The following TSHZ1 variants were observed in gnomAD, a reference collection of about 807,000 sequenced individuals.
TSHZ1 encodes teashirt homolog 1.
TSHZ1 carries 12 observed loss-of-function variants against 67.1 expected under a neutral mutation model. That is an observed-to-expected ratio of 0.18 (90% CI 0.11 to 0.29). The LOEUF is 0.29. Ranked by LOEUF, TSHZ1 falls within the 10% of genes least tolerant of loss-of-function variation. The probability of loss-of-function intolerance (pLI) is 1.00; values close to 1 mark genes in which losing one functional copy is unlikely to be tolerated. For missense variants in TSHZ1, 1,305 were observed against 1,413.9 expected (o/e 0.92, Z 1.23); for synonymous variants, 632 against 622.4 (o/e 1.02, Z -0.23).
intron 1 of TSHZ1, chr18:75,283,749 A>T (rs2023716116): frequency 6.6e-6 from 1 of 152,174 alleles, no homozygotes; most frequent in African/African-American, 2.4e-5. Context: ...TACACATGTG[A>T]TTATGCGTGT....
chr18:75,287,877 G>A lies in TSHZ1; in HGVS notation c.2470G>A (p.Val824Met), dbSNP rs149224107. ...CAAGAACAAGCCGCTGGTGTCCAGC[G>A]TGGCTGATTCGGTGGCATCACCTCT... ...KSKNKPLVSS[V>M]ADSVASPLRE... The change falls in exon 2 of 2, where the codon GTG becomes ATG. Residue 824 changes from valine (V) to methionine (M), a missense_variant. Transcript: ENST00000580243. This position sits in a 1 kb window ranked among gnomAD's most constrained non-coding sequence, Gnocchi z 5.0. 2.9e-4 allele frequency: 465 copies of A among 1,614,056 alleles called. No homozygotes were observed. The highest frequency in any genetic ancestry group is 9.9e-4 in the Middle Eastern group (6 of 6,084).
chr18:75,212,259 G>A (rs138104342), intron 1 of TSHZ1, among the ~76,000 whole-genome samples: 1 of 152,188 alleles, frequency 6.6e-6, no homozygotes, highest in Non-Finnish European at 1.5e-5. Context: ...TTGGCTGCCG[G>A]AGCGCACTGG....
Position 75,281,720 on chromosome 18 carries a change from G to A in TSHZ1, c.41-3728G>A, listed in dbSNP as rs892539936. On this transcript the variant is annotated intron_variant, in intron 1 of 1. Coordinates refer to ENST00000580243, the MANE Select transcript of TSHZ1 (RefSeq NM_001308210.2). The surrounding 1 kb of genome is among the most constrained non-coding windows in gnomAD (Gnocchi z 5.3). ...GAACGGGGAGCGGGTAGCGGTCACC[G>A]AGGGTCTGGAGACGAGGGAGAGGGC... Among the ~76,000 whole-genome samples the A allele has an allele frequency of 2.4e-4, 36 of 152,238 alleles. No homozygotes were observed. Among genetic ancestry groups the A allele is most frequent in the South Asian group, 4.2e-4 (2 of 4,818 alleles).
intron 1 of TSHZ1, among the ~76,000 whole-genome samples, chr18:75,278,734 A>C (rs1374504300): frequency 6.6e-6 from 1 of 152,094 alleles, no homozygotes; most frequent in Non-Finnish European, 1.5e-5. Flanking sequence ...TCAGAAGCGC[A>C]GGTCCTCCAG....
At chr18:75,264,355 C>A (rs1000974439) in intron 1 of TSHZ1, among the ~76,000 whole-genome samples, 3 of 152,290 alleles carry the variant, frequency 2.0e-5, no homozygotes, top group African/African-American at 7.2e-5. Context: ...CAGCTGGCTT[C>A]TATCAAAATA....
intron 1 of TSHZ1, chr18:75,280,954 C>T (rs934360869): frequency 7.1e-5 from 29 of 408,988 alleles, no homozygotes; most frequent in Non-Finnish European, 9.6e-5. Flanking sequence ...TCGGGGAGGG[C>T]TGGCATCCAG....
intron 1 of TSHZ1, among the ~76,000 whole-genome samples, chr18:75,237,791 C>CTTTCATTTATTTATTTATTTATTT (rs150217532): frequency 2.1e-5 from 3 of 143,500 alleles, no homozygotes; most frequent in African/African-American, 8.2e-5. Flanking sequence ...TTCTTTCTTT[C>CTTTCATTTATTTATTTATTTATTT]ATTTATTTAT....
At chr18:75,284,715 C>G (rs577159195) in intron 1 of TSHZ1, 1 of 152,322 alleles carries the variant, frequency 6.6e-6, no homozygotes, top group Non-Finnish European at 1.5e-5. Context: ...CGCTGCAGTG[C>G]GTGTCAGAAC....
In TSHZ1 at chr18:75,285,586, A is replaced by C; in HGVS notation, c.179A>C (p.Gln60Pro). The change falls in exon 2 of 2, where the codon CAG (glutamine) becomes CCG (proline). Residue 60 changes from glutamine (Q) to proline (P), a missense_variant. Gln to Pro is a moderately conservative substitution (Grantham distance 76). Around this residue, in one of 3 missense-constraint regions of TSHZ1, gnomAD observed 358 missense variants for 375.6 expected, o/e 0.95. Coordinates refer to ENST00000580243, the MANE Select transcript of TSHZ1 (RefSeq NM_001308210.2). Reference sequence around the variant, plus strand: ...GAGATCAAAGAGGCGCAGAGCTACCAGAACTCCCCAGTCAGCTCTGCGACT... The same window carrying C: ...GAGATCAAAGAGGCGCAGAGCTACCCGAACTCCCCAGTCAGCTCTGCGACT... ...ETEIKEAQSY[Q>P]NSPVSSATNQ... 1.2e-6 allele frequency: 2 copies of C among 1,605,652 alleles called. No individual in the cohort carries two copies. The highest frequency in any genetic ancestry group is 1.7e-6 in the Non-Finnish European group (2 of 1,173,602).
chr18:75,222,579 G>C (rs989248005), intron 1 of TSHZ1, among the ~76,000 whole-genome samples: 36 of 152,118 alleles, frequency 2.4e-4, no homozygotes, highest in African/African-American at 8.7e-4. Context: ...CAGGTTCAAT[G>C]CTGGTGACAG....
At position 75,286,050 on chromosome 18, in the gene TSHZ1, G is replaced by A. The variant is rs1454286177; in HGVS notation, c.643G>A (p.Gly215Arg). ...AKTLQQTSSY[G>R]LLPEPSLFST... ...GACGCTGCAGCAGACGTCCTCGTAT[G>A]GGCTGCTTCCTGAGCCCAGCCTGTT... Residue 215 changes from glycine to arginine, a missense_variant, in exon 2 of 2, where the codon GGG becomes AGG. Physicochemically the swap from Gly to Arg is moderately radical, Grantham distance 125. Coordinates refer to ENST00000580243, the MANE Select transcript of TSHZ1 (RefSeq NM_001308210.2). The surrounding 1 kb of genome is among the most constrained non-coding windows in gnomAD (Gnocchi z 5.1). 6.8e-6 allele frequency: 11 copies of A among 1,613,152 alleles called. No individual in the cohort carries two copies. The highest frequency in any genetic ancestry group is 2.2e-5 in the East Asian group (1 of 44,870).
At chr18:75,219,548 G>GT (rs1327797890) in intron 1 of TSHZ1, among the ~76,000 whole-genome samples, 2 of 152,146 alleles carry the variant, frequency 1.3e-5, no homozygotes, top group African/African-American at 2.4e-5. Flanking sequence ...GTAGTTCAGG[G>GT]TTTTTTTCTT....
At chr18:75,220,518 C>T (rs1260685663) in intron 1 of TSHZ1, among the ~76,000 whole-genome samples, 1 of 152,080 alleles carries the variant, frequency 6.6e-6, no homozygotes, top group Non-Finnish European at 1.5e-5. Context: ...ATTAAATCAC[C>T]TGCTTGGATT....
At chr18:75,248,700 T>C (rs2023254518) in intron 1 of TSHZ1, among the ~76,000 whole-genome samples, 2 of 152,234 alleles carry the variant, frequency 1.3e-5, no homozygotes, top group Non-Finnish European at 2.9e-5. Context: ...GAAGCTAATG[T>C]TTCAGTTAAC....
chr18:75,288,593 G>C lies in TSHZ1; in HGVS notation c.3186G>C (p.Lys1062Asn). Residue 1062 changes from lysine (K) to asparagine (N), a missense_variant, in exon 2 of 2, where the codon AAG (lysine) becomes AAC (asparagine). This residue lies in a region of TSHZ1 where 909 missense variants were observed against 961.8 expected (regional missense o/e 0.95). Coordinates refer to ENST00000580243, the MANE Select transcript of TSHZ1 (RefSeq NM_001308210.2). The surrounding 1 kb of genome is among the most constrained non-coding windows in gnomAD (Gnocchi z 4.9). ...TGCACCTTAGTAAGACCCACGGCAAGTCTCCCGAGGACCACCTGATCTATG... is the reference window on the plus strand; with the variant it reads ...TGCACCTTAGTAAGACCCACGGCAACTCTCCCGAGGACCACCTGATCTATG... The part of the protein sequence containing the change: ...VKLHLSKTHG[K>N]SPEDHLIYVT... The C allele has an allele frequency of 4.3e-6, 7 of 1,612,352 alleles. No homozygotes were observed. Among genetic ancestry groups the C allele is most frequent in the Non-Finnish European group, 5.9e-6 (7 of 1,179,258 alleles).
intron 1 of TSHZ1, among the ~76,000 whole-genome samples, chr18:75,236,119 G>A (rs991622709): frequency 1.3e-5 from 2 of 152,224 alleles, no homozygotes; most frequent in Admixed American, 6.5e-5. Flanking sequence ...GATAGGAAGT[G>A]TGCGTGTGTA....
chr18:75,288,133 G>A lies in TSHZ1; in HGVS notation c.2726G>A (p.Arg909Gln), dbSNP rs150180967. The A allele has an allele frequency of 2.1e-3, 3,466 of 1,613,886 alleles. 6 individuals are homozygous for A. Among genetic ancestry groups the A allele is most frequent in the Middle Eastern group, 2.6e-3 (16 of 6,062 alleles). The change falls in exon 2 of 2, where the codon CGG (arginine) becomes CAG (glutamine). Residue 909 changes from arginine (R) to glutamine (Q), a missense_variant. Around this residue, in one of 3 missense-constraint regions of TSHZ1, gnomAD observed 909 missense variants for 961.8 expected, o/e 0.95. Transcript: ENST00000580243. The surrounding 1 kb of genome is among the most constrained non-coding windows in gnomAD (Gnocchi z 4.9). The part of the protein sequence containing the change: ...ILQAQFASSL[R>Q]ETTEGKYIMS... ...CAGGCCCAGTTCGCCTCGAGCTTGC[G>A]GGAGACCACAGAGGGCAAGTACATC...
intron 1 of TSHZ1, among the ~76,000 whole-genome samples, chr18:75,257,377 A>C (rs2023373770): frequency 6.6e-6 from 1 of 152,182 alleles, no homozygotes; most frequent in Admixed American, 6.5e-5. Context: ...AAAACAAAAA[A>C]CAAAAAACCC....
At chr18:75,242,866 G>T (rs2023173637) in intron 1 of TSHZ1, among the ~76,000 whole-genome samples, 1 of 152,186 alleles carries the variant, frequency 6.6e-6, no homozygotes, top group African/African-American at 2.4e-5. Context: ...TAATATCCGT[G>T]GGTCCTGAGT....
Sources: gnomAD v4.1 joint callset for allele counts (sites outside exome capture counted in the v4.1 genomes callset) on GRCh38, gnomAD v4.1.1 for gene constraint, gnomAD v4.1.1 regional missense constraint, Gnocchi (gnomAD v3.1) non-coding constraint, MANE v1.5 for transcripts, NCBI Gene and HGNC (gene_info 2026-07-23, HGNC 2026-07-21) for gene names.